The following CCDC102B variants were observed in gnomAD, a reference collection of about 807,000 sequenced individuals.
The protein encoded by CCDC102B is coiled-coil domain containing 102B.
Under a neutral mutation model 57.4 loss-of-function variants are expected in CCDC102B, and 75 were observed. That is an observed-to-expected ratio of 1.31 (90% CI 1.08 to 1.58). CCDC102B has a LOEUF of 1.58. Among genes scored for constraint, CCDC102B ranks in the 40% most tolerant of loss-of-function variants. The probability of loss-of-function intolerance (pLI) is 0.00; values close to 1 mark genes in which losing one functional copy is unlikely to be tolerated. For missense variants in CCDC102B, 636 were observed against 582.6 expected (o/e 1.09, Z -0.94); for synonymous variants, 206 against 201.9 (o/e 1.02, Z -0.17).
At chr18:68,998,981 T>C (rs866389409) in intron 6 of CCDC102B, among the ~76,000 whole-genome samples, 892 of 67,186 alleles carry the variant, frequency 0.013, 9 homozygotes, top group East Asian at 0.051. Flanking sequence ...TATATATATA[T>C]ATATATATAT....
At chr18:68,780,893 T>G (rs551972813) in intron 2 of CCDC102B, among the ~76,000 whole-genome samples, 1 of 152,184 alleles carries the variant, frequency 6.6e-6, no homozygotes, top group East Asian at 1.9e-4. Flanking sequence ...ATAATTATAA[T>G]CACACCAGAT....
Position 69,016,032 on chromosome 18 carries a change from T to C in CCDC102B, c.1434+4928T>C, listed in dbSNP as rs528739621. On this transcript the variant is annotated intron_variant, in intron 7 of 7. Coordinates refer to ENST00000360242, the MANE Select transcript of CCDC102B (RefSeq NM_024781.3). The stretch of plus-strand genomic sequence containing the variant: ...ACCATGCCTGGCTAATTTTCTTTTT[T>C]TTTTTTTTTTTTAGTAGAGACGGGG... Among the ~76,000 whole-genome samples, 300 of 150,484 alleles carry C rather than the reference T, an allele frequency of 2.0e-3. 1 individual carries two copies. Among genetic ancestry groups the C allele is most frequent in the African/African-American group, 6.9e-3 (286 of 41,156 alleles).
At chr18:69,031,151 C>T (rs1224192736) in intron 7 of CCDC102B, among the ~76,000 whole-genome samples, 9 of 152,066 alleles carry the variant, frequency 5.9e-5, no homozygotes, top group African/African-American at 1.2e-4. Flanking sequence ...TTTTAGAAAT[C>T]GTAATCTGTC....
intron 6 of CCDC102B, among the ~76,000 whole-genome samples, chr18:68,922,736 C>T (rs904678948): frequency 3.9e-5 from 6 of 152,068 alleles, no homozygotes; most frequent in Admixed American, 3.3e-4. Flanking sequence ...ACCCATTCCT[C>T]ACCTGTACCC....
intron 6 of CCDC102B, among the ~76,000 whole-genome samples, chr18:68,985,099 C>T (rs1330025256): frequency 6.6e-6 from 1 of 152,050 alleles, no homozygotes; most frequent in Non-Finnish European, 1.5e-5. Flanking sequence ...ATTTGTATAC[C>T]TGTAATCTCA....
chr18:69,039,342 T>A (rs2145467621), intron 7 of CCDC102B, among the ~76,000 whole-genome samples: 1 of 152,128 alleles, frequency 6.6e-6, no homozygotes, highest in East Asian at 1.9e-4. Context: ...TTATTTTGTT[T>A]CTTGAATATT....
intron 6 of CCDC102B, among the ~76,000 whole-genome samples, chr18:68,913,519 G>T (rs9954549): frequency 0.92 from 139,935 of 151,968 alleles, 64,485 homozygotes; most frequent in East Asian, 0.99. Flanking sequence ...TCATGGCACA[G>T]GCCTGTACGG....
chr18:68,967,623 C>T (rs1238892920), intron 6 of CCDC102B, among the ~76,000 whole-genome samples: 1 of 151,948 alleles, frequency 6.6e-6, no homozygotes, highest in African/African-American at 2.4e-5. Flanking sequence ...AAAGATATTC[C>T]ATAACCTCAA....
chr18:68,990,518 G>A (rs796273289), intron 6 of CCDC102B, among the ~76,000 whole-genome samples: 33 of 152,244 alleles, frequency 2.2e-4, no homozygotes, highest in African/African-American at 7.0e-4. Flanking sequence ...TTTATCTTGG[G>A]TATCTTGTAT....
At chr18:69,025,220 C>T (rs2051952168) in intron 7 of CCDC102B, among the ~76,000 whole-genome samples, 2 of 152,220 alleles carry the variant, frequency 1.3e-5, no homozygotes, top group Non-Finnish European at 2.9e-5. Context: ...AATATATGTA[C>T]ACTAATTTAT....
At chr18:68,790,432 G>A (rs1157386222) in intron 2 of CCDC102B, among the ~76,000 whole-genome samples, 5 of 150,838 alleles carry the variant, frequency 3.3e-5, no homozygotes, top group Admixed American at 6.6e-5. Flanking sequence ...CCCCAGCCTC[G>A]CTGCCGCCTT....
At chr18:68,784,648 G>C (rs1021833243) in intron 2 of CCDC102B, among the ~76,000 whole-genome samples, 3 of 152,050 alleles carry the variant, frequency 2.0e-5, no homozygotes, top group Non-Finnish European at 4.4e-5. Context: ...ATAGATCCTT[G>C]TAATATTAGA....
Position 68,930,136 on chromosome 18 carries a change from G to A in CCDC102B, c.1263+32708G>A, listed in dbSNP as rs2041617925. On this transcript the variant is annotated intron_variant, in intron 6 of 7. Transcript: ENST00000360242. Reference sequence around the variant, plus strand: ...ACAAAGGCCAATGTAGTCTGTGAAGGGCCCAGATACTTGGATTTACAATTA... The same window carrying A: ...ACAAAGGCCAATGTAGTCTGTGAAGAGCCCAGATACTTGGATTTACAATTA... Among the ~76,000 whole-genome samples, 14 of 150,440 alleles carry A rather than the reference G, an allele frequency of 9.3e-5. No individual in the cohort carries two copies. The Admixed American group carries it at 9.3e-4, about 10-fold the overall frequency.
chr18:68,917,853 A>T (rs1304021922), intron 6 of CCDC102B, among the ~76,000 whole-genome samples: 2 of 152,188 alleles, frequency 1.3e-5, no homozygotes, highest in Non-Finnish European at 2.9e-5. Context: ...TCAATTCACC[A>T]TAGCAATATA....
intron 6 of CCDC102B, among the ~76,000 whole-genome samples, chr18:68,983,803 T>C (rs1472687229): frequency 6.6e-6 from 1 of 152,048 alleles, no homozygotes; most frequent in African/African-American, 2.4e-5. Flanking sequence ...ATGTTAGATA[T>C]TTGTCTTATC....
chr18:68,852,561 G>A (rs1438270643), intron 4 of CCDC102B, among the ~76,000 whole-genome samples: 1 of 151,968 alleles, frequency 6.6e-6, no homozygotes, highest in African/African-American at 2.4e-5. Flanking sequence ...AGTCAACATA[G>A]CACTTTGGCA....
rs1353939829 is a variant in CCDC102B at position 69,055,173 on chromosome 18, C to G, written c.*1036C>G. On this transcript the variant is annotated 3_prime_UTR_variant, in exon 8 of 8. Coordinates refer to ENST00000360242, the MANE Select transcript of CCDC102B (RefSeq NM_024781.3). ...TTACTAATTCATTATTGAATAAAGACCACTTTTATCAGAGTCTCTCATTGT... is the reference window on the plus strand; with the variant it reads ...TTACTAATTCATTATTGAATAAAGAGCACTTTTATCAGAGTCTCTCATTGT... 5 of 972,794 alleles carry G rather than the reference C, an allele frequency of 5.1e-6. No individual in the cohort carries two copies. The highest frequency in any genetic ancestry group is 6.1e-6 in the Non-Finnish European group (5 of 818,718). The allele number at this position is 972,794 out of a possible 1,614,324, so 60.3% of individuals were successfully genotyped here.
chr18:68,754,441 G>A (rs952214607), intron 2 of CCDC102B: 1 of 152,118 alleles, frequency 6.6e-6, no homozygotes, highest in Non-Finnish European at 1.5e-5. Flanking sequence ...GACAGTAGTG[G>A]TGGCTGAACA....
At chr18:68,765,600 C>T (rs186838162) in intron 2 of CCDC102B, among the ~76,000 whole-genome samples, 7 of 152,114 alleles carry the variant, frequency 4.6e-5, no homozygotes, top group South Asian at 2.1e-4. Context: ...CCTTATAGCC[C>T]CTTTTGGAAT....
Sources: allele counts gnomAD v4.1 joint callset (sites outside exome capture counted in the v4.1 genomes callset), GRCh38; gene constraint gnomAD v4.1.1; transcripts MANE v1.5; gene names NCBI Gene and HGNC (gene_info 2026-07-23, HGNC 2026-07-21).